Variants in PLCB1 observed in about 807,000 individuals in gnomAD.
PLCB1 encodes the protein 1-phosphatidylinositol 4,5-bisphosphate phosphodiesterase beta-1.
A neutral mutation model predicts 161.8 loss-of-function variants in PLCB1; 46 were observed. The ratio of observed to expected loss-of-function variants is 0.28; its 90% CI spans 0.22 to 0.36. The LOEUF (loss-of-function observed/expected upper bound fraction) is 0.36. Among genes scored for constraint, PLCB1 ranks in the 10% least tolerant of loss-of-function variants. The pLI is 1.00. For missense variants in PLCB1, 1,016 were observed against 1,472.5 expected (o/e 0.69, Z 5.07); for synonymous variants, 517 against 503.7 (o/e 1.03, Z -0.35).
chr20:8,347,971 CA>C (rs539087327), intron 2 of PLCB1, among the ~76,000 whole-genome samples: 1 of 148,204 alleles, frequency 6.7e-6, no homozygotes, highest in Admixed American at 6.7e-5. Flanking sequence ...GACTCCATCT[CA>C]AAAAAAAGAA....
At chr20:8,594,966 C>T (rs1477252851) in intron 3 of PLCB1, among the ~76,000 whole-genome samples, 4 of 151,956 alleles carry the variant, frequency 2.6e-5, no homozygotes, top group African/African-American at 7.3e-5. Flanking sequence ...ATTCTAACAC[C>T]GAGGTGCCTT....
chr20:8,856,261 T>A (rs944826030), intron 31 of PLCB1, among the ~76,000 whole-genome samples: 5 of 152,148 alleles, frequency 3.3e-5, no homozygotes, highest in African/African-American at 1.2e-4. Flanking sequence ...TGGTATCATA[T>A]GGAGTATCAT....
intron 27 of PLCB1, among the ~76,000 whole-genome samples, 170 bp downstream of exon 27, chr20:8,774,889 C>T (rs1400005434): frequency 6.6e-6 from 1 of 152,154 alleles, no homozygotes; most frequent in African/African-American, 2.4e-5. Flanking sequence ...ATAAGCCCCA[C>T]TGTCTTAACA....
chr20:8,865,411 T>G (rs371545251), intron 31 of PLCB1, among the ~76,000 whole-genome samples: 6 of 152,266 alleles, frequency 3.9e-5, no homozygotes, highest in African/African-American at 9.6e-5. Context: ...AGAGAAACAC[T>G]CATATCTGCA....
intron 3 of PLCB1, among the ~76,000 whole-genome samples, chr20:8,413,545 C>T (rs1487268330): frequency 1.3e-5 from 2 of 152,116 alleles, no homozygotes; most frequent in Non-Finnish European, 2.9e-5. Flanking sequence ...CCAAGTATTC[C>T]GTTGAATTTG....
intron 2 of PLCB1, among the ~76,000 whole-genome samples, chr20:8,337,309 G>A (rs1206674663): frequency 6.6e-6 from 1 of 152,126 alleles, no homozygotes; most frequent in Non-Finnish European, 1.5e-5. Flanking sequence ...GGTAGAATTG[G>A]AACTTGAACC....
intron 31 of PLCB1, among the ~76,000 whole-genome samples, chr20:8,801,521 G>A (rs890999140): frequency 6.6e-6 from 1 of 152,166 alleles, no homozygotes; most frequent in Admixed American, 6.5e-5. Context: ...TGACGCTCTT[G>A]AGTTCCAGAC....
intron 2 of PLCB1, among the ~76,000 whole-genome samples, chr20:8,263,088 C>T (rs1182288821): frequency 6.6e-6 from 1 of 152,074 alleles, no homozygotes; most frequent in Non-Finnish European, 1.5e-5. Context: ...CACTGACTGC[C>T]CAAATAATCC....
chr20:8,635,755 T>C (rs1342784809), intron 4 of PLCB1, among the ~76,000 whole-genome samples: 1 of 152,092 alleles, frequency 6.6e-6, no homozygotes, highest in Non-Finnish European at 1.5e-5. Context: ...TTATAGTCTA[T>C]GGGATAAAGG....
At chr20:8,849,079 A>G (rs1986796150) in intron 31 of PLCB1, among the ~76,000 whole-genome samples, 1 of 152,186 alleles carries the variant, frequency 6.6e-6, no homozygotes, top group African/African-American at 2.4e-5. Context: ...AGGGAAATTT[A>G]GGCTGACTGC....
chr20:8,685,594 A>C (rs1374721081), intron 10 of PLCB1, among the ~76,000 whole-genome samples: 1 of 142,890 alleles, frequency 7.0e-6, no homozygotes, highest in Non-Finnish European at 1.5e-5. Context: ...AAAATCAGCC[A>C]GGCGTGGTGG....
intron 2 of PLCB1, among the ~76,000 whole-genome samples, chr20:8,276,936 T>TTCTTCTTCTTCTTCC (rs1982582680): frequency 3.2e-5 from 1 of 30,884 alleles, no homozygotes; most frequent in African/African-American, 9.3e-5. Flanking sequence ...TTTCTTCTTC[T>TTCTTCTTCTTCTTCC]TCTTCTTCTT....
At chr20:8,673,071 C>A (rs1378087015) in intron 9 of PLCB1, among the ~76,000 whole-genome samples, 1 of 151,910 alleles carries the variant, frequency 6.6e-6, no homozygotes, top group East Asian at 1.9e-4. Flanking sequence ...GAGATCGTGC[C>A]ACTGCACTCC....
chr20:8,293,758 C>T lies in PLCB1; in HGVS notation c.178-77624C>T, dbSNP rs139879197. 3.6e-3 allele frequency among the ~76,000 whole-genome samples: 554 copies of T among 152,250 alleles called. 3 individuals are homozygous for T. Among genetic ancestry groups the T allele is most frequent in the African/African-American group, 0.013 (525 of 41,552 alleles). ...GAACCCCAGAGATCTGTGTACTATG[C>T]TTTGAGAATCACTTAGCTACGGAAA... On this transcript the variant is annotated intron_variant, in intron 2 of 31. Transcript: ENST00000338037.
chr20:8,826,083 C>T (rs2146270688), intron 31 of PLCB1, among the ~76,000 whole-genome samples: 1 of 152,172 alleles, frequency 6.6e-6, no homozygotes, highest in Admixed American at 6.5e-5. Context: ...CTAGAGAAGT[C>T]ATGTGGATGG....
At chr20:8,578,654 C>G (rs1986748238) in intron 3 of PLCB1, among the ~76,000 whole-genome samples, 1 of 152,218 alleles carries the variant, frequency 6.6e-6, no homozygotes, top group South Asian at 2.1e-4. Flanking sequence ...TGCTTGTTCC[C>G]CCAATTATTT....
intron 31 of PLCB1, among the ~76,000 whole-genome samples, chr20:8,851,990 A>G (rs927041400): frequency 6.6e-6 from 1 of 152,216 alleles, no homozygotes; most frequent in African/African-American, 2.4e-5. Flanking sequence ...CACATACTTT[A>G]TAGCAATTTT....
At chr20:8,660,004 A>G (rs1989578978) in intron 9 of PLCB1, among the ~76,000 whole-genome samples, 1 of 151,568 alleles carries the variant, frequency 6.6e-6, no homozygotes, top group Non-Finnish European at 1.5e-5. Context: ...AAAAAAAAAA[A>G]AAAAGAAGAA....
intron 3 of PLCB1, among the ~76,000 whole-genome samples, chr20:8,536,737 G>A (rs966715500): frequency 2.0e-5 from 3 of 152,086 alleles, no homozygotes; most frequent in Non-Finnish European, 2.9e-5. Context: ...CAACTAGATC[G>A]AGAACTGAGA....
Sources: allele counts gnomAD v4.1 joint callset (sites outside exome capture counted in the v4.1 genomes callset), GRCh38; gene constraint gnomAD v4.1.1; transcripts MANE v1.5; gene names NCBI Gene and HGNC (gene_info 2026-07-23, HGNC 2026-07-21).